ANKRD44: variants seen among roughly 807,000 people sequenced by gnomAD.
The protein encoded by ANKRD44 is serine/threonine-protein phosphatase 6 regulatory ankyrin repeat subunit B.
In ANKRD44, 35 loss-of-function variants were observed where a neutral mutation model predicts 116.0. The observed-to-expected ratio is 0.30, with a 90% CI of 0.23 to 0.40. The LOEUF (loss-of-function observed/expected upper bound fraction) is 0.40, where lower values mean the gene tolerates loss of function less well. ANKRD44 is among the 10% of genes least tolerant of loss of function. The probability of loss-of-function intolerance (pLI) is 1.00; values close to 1 mark genes in which losing one functional copy is unlikely to be tolerated. For missense variants in ANKRD44, 1,014 were observed against 1,242.6 expected (o/e 0.82, Z 2.77); for synonymous variants, 435 against 461.8 (o/e 0.94, Z 0.74).
chr2:197,063,115 C>T (rs768584418), intron 16 of ANKRD44, among the ~76,000 whole-genome samples: 6 of 152,158 alleles, frequency 3.9e-5, no homozygotes, highest in Admixed American at 1.3e-4. Flanking sequence ...CCCTCTGAGA[C>T]GAAGCTTCCA....
chr2:197,055,690 T>C (rs2077190416), intron 16 of ANKRD44, among the ~76,000 whole-genome samples: 2 of 152,182 alleles, frequency 1.3e-5, no homozygotes, highest in Non-Finnish European at 2.9e-5. Flanking sequence ...AAAAGATAAT[T>C]TTCTCTACTG....
intron 16 of ANKRD44, among the ~76,000 whole-genome samples, chr2:197,053,684 T>C (rs1057479986): frequency 6.6e-6 from 1 of 152,204 alleles, no homozygotes; most frequent in Non-Finnish European, 1.5e-5. Context: ...GGTTTCACCA[T>C]GTTGGCCAGG....
At chr2:197,162,515 A>C (rs537674202) in intron 2 of ANKRD44, among the ~76,000 whole-genome samples, 7 of 152,230 alleles carry the variant, frequency 4.6e-5, no homozygotes, top group Non-Finnish European at 5.9e-5. Flanking sequence ...GCTTTGAAAT[A>C]CGGCACAAAA....
chr2:197,061,629 G>A (rs4372926), intron 16 of ANKRD44, among the ~76,000 whole-genome samples: 96,254 of 152,072 alleles, frequency 0.63, 33,163 homozygotes, highest in East Asian at 0.85. Context: ...CAGAATATGG[G>A]GGCAGGGCCA....
At chr2:197,031,278 G>A (rs1225997760) in intron 16 of ANKRD44, among the ~76,000 whole-genome samples, 2 of 151,924 alleles carry the variant, frequency 1.3e-5, no homozygotes, top group Non-Finnish European at 2.9e-5. Flanking sequence ...TAAAAGTGAT[G>A]TTATAGAAGA....
At chr2:197,232,512 A>G (rs2081888130) in intron 1 of ANKRD44, among the ~76,000 whole-genome samples, 1 of 152,236 alleles carries the variant, frequency 6.6e-6, no homozygotes, top group Admixed American at 6.5e-5. Context: ...ACATATTTAC[A>G]AGGATGTTGA....
intron 2 of ANKRD44, among the ~76,000 whole-genome samples, chr2:197,157,174 G>C (rs200576483): frequency 1.5e-5 from 1 of 66,726 alleles, no homozygotes; most frequent in Non-Finnish European, 4.1e-5. Flanking sequence ...CTTACGTAAA[G>C]TAAAAAAAGG....
Position 197,269,887 on chromosome 2 carries a change from A to T in ANKRD44, c.27+40691T>A, listed in dbSNP as rs139344681. ...CCCAGGCAGAGAAGACTGAGGAGAG[A>T]CATCTCAGACAAAGGGAGGTGCAAA... On this transcript the variant is annotated intron_variant, in intron 1 of 27. Transcript: ENST00000282272. Among the ~76,000 whole-genome samples, 776 of 152,332 alleles carry T rather than the reference A, an allele frequency of 5.1e-3. 4 individuals carry two copies. Among genetic ancestry groups the T allele is most frequent in the Non-Finnish European group, 8.3e-3 (567 of 68,028 alleles).
At chr2:197,043,651 A>C (rs2076951049) in intron 16 of ANKRD44, among the ~76,000 whole-genome samples, 2 of 152,228 alleles carry the variant, frequency 1.3e-5, no homozygotes, top group African/African-American at 4.8e-5. Flanking sequence ...CAGGTGAAAA[A>C]AAATTCAGTG....
At chr2:197,309,484 A>C (rs2084173795) in intron 1 of ANKRD44, among the ~76,000 whole-genome samples, 1 of 152,224 alleles carries the variant, frequency 6.6e-6, no homozygotes, top group South Asian at 2.1e-4. Flanking sequence ...GACGGACTGC[A>C]CTTCAGTTGC....
chr2:197,154,320 C>T (rs1213971982), intron 2 of ANKRD44, among the ~76,000 whole-genome samples: 1 of 151,628 alleles, frequency 6.6e-6, no homozygotes, highest in African/African-American at 2.4e-5. Flanking sequence ...GCTGGGACTA[C>T]AGGCGCCCGC....
intron 2 of ANKRD44, among the ~76,000 whole-genome samples, chr2:197,165,628 G>A (rs547880618): frequency 4.2e-4 from 64 of 152,320 alleles, no homozygotes; most frequent in Non-Finnish European, 7.6e-4. Flanking sequence ...GAAGATGATG[G>A]ATAAGTTAGT....
chr2:197,108,871 C>A lies in ANKRD44; in HGVS notation c.985+1895G>T, dbSNP rs13423246. Among the ~76,000 whole-genome samples, 1,462 of 150,538 alleles carry A rather than the reference C, an allele frequency of 9.7e-3. 33 individuals are homozygous for A. The highest frequency in any genetic ancestry group is 0.034 in the African/African-American group (1,399 of 40,604). On this transcript the variant is annotated intron_variant, in intron 9 of 27. Coordinates refer to ENST00000282272, the MANE Select transcript of ANKRD44 (RefSeq NM_001195144.2). ...ACAACAACAACAACAACAACAACAA[C>A]AAAAACACAAATAAACAAAAAAAGT...
At chr2:197,287,606 T>G (rs2083441374) in intron 1 of ANKRD44, among the ~76,000 whole-genome samples, 1 of 152,174 alleles carries the variant, frequency 6.6e-6, no homozygotes. Flanking sequence ...CACACATCAT[T>G]GTGAAGTTTA....
intron 1 of ANKRD44, among the ~76,000 whole-genome samples, chr2:197,195,297 A>G (rs558407564): frequency 9.9e-5 from 15 of 152,248 alleles, no homozygotes; most frequent in African/African-American, 2.9e-4. Context: ...AATCTTATGG[A>G]CAAACAGGAA....
At chr2:197,126,760 A>AG (rs551085036) in intron 4 of ANKRD44, among the ~76,000 whole-genome samples, 94 of 152,200 alleles carry the variant, frequency 6.2e-4, no homozygotes, top group Non-Finnish European at 9.7e-4. Context: ...GAAAAAAAAA[A>AG]TCGACAAACA....
In ANKRD44 at chr2:197,310,659, G is replaced by C; in HGVS notation, c.-55C>G. 7.6e-7 allele frequency: 1 copy of C among 1,311,928 alleles called. No individual in the cohort carries two copies. The allele number at this position is 1,311,928 out of a possible 1,614,324, so 81.3% of individuals were successfully genotyped here. A position where few individuals can be genotyped will look rare whatever the true frequency, so the allele number is the denominator to read the frequency against. ...CAGGTCCCCGGCCCGCAGATGTCAC[G>C]CCGGGAGCCGGGGAAGCGGAAGGGA... On this transcript the variant is annotated 5_prime_UTR_variant, in exon 1 of 28. Transcript: ENST00000282272.
intron 27 of ANKRD44, chr2:196,990,602 AC>A: frequency 8.1e-7 from 1 of 1,231,362 alleles, no homozygotes; most frequent in Non-Finnish European, 1.0e-6. Flanking sequence ...ATACTTGAAT[AC>A]AACATAAACC....
chr2:197,150,017 GA>G (rs1255663152), intron 2 of ANKRD44, among the ~76,000 whole-genome samples: 1 of 152,194 alleles, frequency 6.6e-6, no homozygotes, highest in Non-Finnish European at 1.5e-5. Flanking sequence ...TGGTTATTAT[GA>G]AGTGCTTTTA....
Sources: gnomAD v4.1 joint callset for allele counts (sites outside exome capture counted in the v4.1 genomes callset) on GRCh38, gnomAD v4.1.1 for gene constraint, MANE v1.5 for transcripts, NCBI Gene and HGNC (gene_info 2026-07-23, HGNC 2026-07-21) for gene names.